Variants in OSBPL6 observed in about 807,000 individuals in gnomAD.
OSBPL6 encodes oxysterol binding protein like 6.
OSBPL6 carries 49 observed loss-of-function variants against 125.8 expected under a neutral mutation model. The ratio of observed to expected loss-of-function variants is 0.39; its 90% CI spans 0.31 to 0.49. OSBPL6 has a LOEUF of 0.49. OSBPL6 is among the 20% of genes least tolerant of loss of function. The pLI is 0.88. For missense variants in OSBPL6, 986 were observed against 1,135.4 expected, an observed-to-expected ratio of 0.87 and a Z score of 1.89; for synonymous variants, 394 against 391.8, an observed-to-expected ratio of 1.01 and a Z score of -0.07.
intron 1 of OSBPL6, among the ~76,000 whole-genome samples, chr2:178,202,851 A>G (rs551422144): frequency 1.1e-4 from 16 of 150,882 alleles, no homozygotes; most frequent in South Asian, 6.3e-4. Flanking sequence ...AAAGAAAAAG[A>G]TTCTTTTTAT....
chr2:178,322,853 T>C (rs1280066181), intron 3 of OSBPL6, among the ~76,000 whole-genome samples: 1 of 151,370 alleles, frequency 6.6e-6, no homozygotes. Context: ...ATCTTTACAG[T>C]GACACTCGTA....
rs753869824 is a variant in OSBPL6, at chr2:178,210,812, C to CAA, written c.-351+16149_-351+16150dup. ...GTGTGACAAGTGTGAGACAATGTTT[C>CAA]AAAAAAAAAAAACACACACACACAC... On this transcript the variant is annotated intron_variant, in intron 1 of 24. Transcript: ENST00000190611. 3.6e-3 allele frequency among the ~76,000 whole-genome samples: 490 copies of CAA among 134,800 alleles called. 3 individuals are homozygous for CAA. The highest frequency in any genetic ancestry group is 0.013 in the African/African-American group (461 of 36,440). The allele number at this position is 134,800 out of a possible 152,430, so 88.4% of individuals were successfully genotyped here.
chr2:178,328,746 A>T (rs748012621), intron 5 of OSBPL6, among the ~76,000 whole-genome samples: 1 of 152,088 alleles, frequency 6.6e-6, no homozygotes, highest in African/African-American at 2.4e-5. Context: ...CCTCAGCCTC[A>T]CAAAGTCCTG....
intron 4 of OSBPL6, 121 bp downstream of exon 4, chr2:178,324,390 C>G (rs1688515049): frequency 1.6e-6 from 1 of 622,454 alleles, no homozygotes; most frequent in African/African-American, 1.8e-5. Flanking sequence ...TTGTAGGCAA[C>G]TCTTTGCACT....
At chr2:178,198,676 A>G (rs1336154380) in intron 1 of OSBPL6, among the ~76,000 whole-genome samples, 1 of 141,346 alleles carries the variant, frequency 7.1e-6, no homozygotes, top group African/African-American at 2.6e-5. Context: ...CGGCACAAAG[A>G]GGTTAAGTAA....
intron 11 of OSBPL6, chr2:178,344,407 C>T (rs1222500764): frequency 6.3e-7 from 1 of 1,581,864 alleles, no homozygotes; most frequent in Non-Finnish European, 8.7e-7. Context: ...GAATGAGAAC[C>T]TGTGTACAAG....
chr2:178,354,121 A>G (rs139783628), intron 12 of OSBPL6, among the ~76,000 whole-genome samples: 4,782 of 152,316 alleles, frequency 0.031, 241 homozygotes, highest in African/African-American at 0.11. Flanking sequence ...GGTACCAGCC[A>G]CTGCGAAAAC....
At chr2:178,336,508 G>C (rs1689697485) in intron 9 of OSBPL6, 75 bp downstream of exon 9, 1 of 1,527,798 alleles carries the variant, frequency 6.5e-7, no homozygotes, top group South Asian at 1.2e-5. Flanking sequence ...GGTCAATTAT[G>C]AGTGCTACAT....
chr2:178,400,287 T>G lies in OSBPL6; in HGVS notation c.*4728T>G, dbSNP rs1696065144. On this transcript the variant is annotated 3_prime_UTR_variant, in exon 25 of 25. Coordinates refer to ENST00000190611, the MANE Select transcript of OSBPL6 (RefSeq NM_032523.4). ...TAATTTTATTGATATTGCTGTACTT[T>G]TTTTTTTTTTTTTGAGACAGAGTCT... is the stretch of plus-strand genomic sequence containing the variant. 6.7e-6 allele frequency: 1 copy of G among 150,016 alleles called. No individual in the cohort carries two copies. Among genetic ancestry groups the G allele is most frequent in the Non-Finnish European group, 1.5e-5 (1 of 67,290 alleles). 9.3% of individuals were successfully genotyped at this position (150,016 alleles called of 1,614,324 possible).
intron 5 of OSBPL6, among the ~76,000 whole-genome samples, 159 bp from the exon 6 acceptor site, chr2:178,331,393 T>C (rs546876455): frequency 1.3e-5 from 2 of 152,346 alleles, no homozygotes; most frequent in African/African-American, 2.4e-5. Flanking sequence ...CTCCTTACCA[T>C]TTAATGTGAC....
chr2:178,354,370 C>T (rs1245513299), intron 12 of OSBPL6, among the ~76,000 whole-genome samples: 1 of 151,236 alleles, frequency 6.6e-6, no homozygotes, highest in Non-Finnish European at 1.5e-5. Context: ...CACATAGGCT[C>T]AAAATAAAGG....
intron 9 of OSBPL6, among the ~76,000 whole-genome samples, chr2:178,338,085 G>A (rs1194172792): frequency 6.6e-6 from 1 of 151,926 alleles, no homozygotes; most frequent in Admixed American, 6.6e-5. Context: ...GGGATTACAG[G>A]CACCCACCAT....
intron 2 of OSBPL6, among the ~76,000 whole-genome samples, chr2:178,304,640 A>G (rs1000916425): frequency 6.6e-6 from 1 of 152,188 alleles, no homozygotes; most frequent in Admixed American, 6.5e-5. Context: ...CTCATGACCT[A>G]AACACCTCCC....
chr2:178,352,304 T>C (rs6761421), intron 12 of OSBPL6, among the ~76,000 whole-genome samples: 44,977 of 151,988 alleles, frequency 0.3, 7,345 homozygotes, highest in African/African-American at 0.41. Flanking sequence ...CCAGGAAGCA[T>C]GAGGGGTCAG....
intron 5 of OSBPL6, among the ~76,000 whole-genome samples, chr2:178,330,211 A>G (rs1689077547): frequency 7.1e-6 from 1 of 139,952 alleles, no homozygotes; most frequent in Admixed American, 7.9e-5. Flanking sequence ...TTGGATAGAC[A>G]GAAATGGAAA....
At chr2:178,345,946 A>G (rs1450280007) in intron 11 of OSBPL6, among the ~76,000 whole-genome samples, 1 of 152,212 alleles carries the variant, frequency 6.6e-6, no homozygotes, top group Non-Finnish European at 1.5e-5. Flanking sequence ...TAAAAGAAGA[A>G]ATCATTAATG....
At position 178,332,541 on chromosome 2, in the gene OSBPL6, C is replaced by T; in HGVS notation, c.373-100C>T. On this transcript the variant is annotated intron_variant, in intron 6 of 24. Coordinates refer to ENST00000190611, the MANE Select transcript of OSBPL6 (RefSeq NM_032523.4). ...GGAGGTATATGTAGTATTCCACTTCCCATAGATAAGTTAAAGATTACTTTG... is the reference window on the plus strand; with the variant it reads ...GGAGGTATATGTAGTATTCCACTTCTCATAGATAAGTTAAAGATTACTTTG... 1.1e-5 allele frequency: 9 copies of T among 833,644 alleles called. No homozygotes were observed. In the South Asian group the frequency reaches 1.4e-4, roughly 13 times the overall value. 51.6% of individuals were successfully genotyped at this position (833,644 alleles called of 1,614,324 possible).
intron 18 of OSBPL6, among the ~76,000 whole-genome samples, chr2:178,385,129 A>G (rs1694827770): frequency 6.6e-6 from 1 of 152,114 alleles, no homozygotes; most frequent in Admixed American, 6.6e-5. Flanking sequence ...AGAAATACCT[A>G]ATGTAGGTGA....
Position 178,372,115 on chromosome 2 carries a change from G to A in OSBPL6, c.1288-11G>A, listed in dbSNP as rs368144902. On this transcript the variant is annotated splice_polypyrimidine_tract_variant and intron_variant, in intron 13 of 24. Transcript: ENST00000190611. Reference sequence around the variant, plus strand: ...ATTTTAAATTACATATGTGGTTTTTGTTATTTTAAGGCACTCAACCAGAAT... The same window carrying A: ...ATTTTAAATTACATATGTGGTTTTTATTATTTTAAGGCACTCAACCAGAAT... 4 of 1,597,192 alleles carry A rather than the reference G, an allele frequency of 2.5e-6. No individual in the cohort carries two copies. The highest frequency in any genetic ancestry group is 3.4e-6 in the Non-Finnish European group (4 of 1,167,484).
Sources: gnomAD v4.1 joint callset for allele counts (sites outside exome capture counted in the v4.1 genomes callset) on GRCh38, gnomAD v4.1.1 for gene constraint, MANE v1.5 for transcripts, NCBI Gene and HGNC (gene_info 2026-07-23, HGNC 2026-07-21) for gene names.